CWC27: variants seen among roughly 807,000 people sequenced by gnomAD.
CWC27 encodes spliceosome-associated protein CWC27 homolog.
In CWC27, 47 loss-of-function variants were observed where a neutral mutation model predicts 63.6. The observed-to-expected ratio is 0.74, with a 90% CI of 0.58 to 0.94. The LOEUF (loss-of-function observed/expected upper bound fraction) is 0.94, where lower values mean the gene tolerates loss of function less well. CWC27 is among the 40% of genes least tolerant of loss of function. The pLI is 0.00. For missense variants in CWC27, 495 were observed against 554.3 expected, an observed-to-expected ratio of 0.89 and a Z score of 1.07; for synonymous variants, 175 against 179.8, an observed-to-expected ratio of 0.97 and a Z score of 0.22.
intron 11 of CWC27, among the ~76,000 whole-genome samples, chr5:64,892,467 C>T (rs1186559080): frequency 2.6e-5 from 4 of 152,100 alleles, no homozygotes; most frequent in African/African-American, 9.7e-5. Context: ...AAGATTACCC[C>T]ATAATACTTC....
In CWC27 at chr5:64,783,743, A is replaced by G. The variant is rs1743778758; in HGVS notation, c.253-93A>G. On this transcript the variant is annotated intron_variant, in intron 3 of 13. Coordinates refer to ENST00000381070, the MANE Select transcript of CWC27 (RefSeq NM_005869.4). ...AAGTAAAATGTCTGCATTTTTTATT[A>G]GAAGTTGTATGGGACCTTGCAGGTC... The G allele has an allele frequency of 2.8e-6, 3 of 1,077,662 alleles. No individual in the cohort carries two copies. In the African/African-American group the frequency reaches 4.9e-5, roughly 18 times the overall value. 66.8% of individuals were successfully genotyped at this position (1,077,662 alleles called of 1,614,324 possible). A position where few individuals can be genotyped will look rare whatever the true frequency, so the allele number is the denominator to read the frequency against.
intron 10 of CWC27, among the ~76,000 whole-genome samples, chr5:64,856,380 C>T (rs925452763): frequency 1.3e-5 from 2 of 151,694 alleles, no homozygotes; most frequent in African/African-American, 2.4e-5. Flanking sequence ...ATTAAATTCC[C>T]TGAAAACAAT....
At chr5:64,798,971 C>T (rs1345833375) in intron 7 of CWC27, among the ~76,000 whole-genome samples, 1 of 152,186 alleles carries the variant, frequency 6.6e-6, no homozygotes, top group Non-Finnish European at 1.5e-5. Flanking sequence ...TGAGGTGTCC[C>T]ACCCTGCAGT....
rs548528652 is a variant in CWC27 at position 64,783,793 on chromosome 5, G to T, written c.253-43G>T. 69 of 1,502,878 alleles carry T rather than the reference G, an allele frequency of 4.6e-5. 1 individual carries two copies. The South Asian group carries it at 9.6e-4, about 21-fold the overall frequency. The allele number at this position is 1,502,878 out of a possible 1,614,324, so 93.1% of individuals were successfully genotyped here. A position where few individuals can be genotyped will look rare whatever the true frequency, so the allele number is the denominator to read the frequency against. On this transcript the variant is annotated intron_variant, in intron 3 of 13. Coordinates refer to ENST00000381070, the MANE Select transcript of CWC27 (RefSeq NM_005869.4). ...CAAGTTGAATAACTGCATATGAAGG[G>T]TCTTATAACTGAGGACATTCACTAA...
intron 11 of CWC27, among the ~76,000 whole-genome samples, chr5:64,963,744 A>C (rs1485124951): frequency 6.6e-6 from 1 of 152,224 alleles, no homozygotes; most frequent in East Asian, 1.9e-4. Flanking sequence ...ATGAAACATC[A>C]GCAGACGTCA....
At chr5:64,965,349 C>G (rs150927783) in intron 11 of CWC27, among the ~76,000 whole-genome samples, 76 of 152,300 alleles carry the variant, frequency 5.0e-4, no homozygotes, top group Non-Finnish European at 6.2e-4. Context: ...AGTTTTTATA[C>G]ACTTTCCCCC....
intron 10 of CWC27, among the ~76,000 whole-genome samples, chr5:64,862,958 C>T (rs1014037219): frequency 6.6e-6 from 1 of 152,028 alleles, no homozygotes; most frequent in Non-Finnish European, 1.5e-5. Flanking sequence ...AGCATTAAAC[C>T]CATTTGTGAG....
chr5:64,887,098 C>T (rs779947756), intron 11 of CWC27, among the ~76,000 whole-genome samples: 8 of 151,464 alleles, frequency 5.3e-5, no homozygotes, highest in Non-Finnish European at 1.2e-4. Flanking sequence ...TATTAGTACC[C>T]TCATGTCTTA....
At chr5:64,861,993 A>G (rs1478957249) in intron 10 of CWC27, among the ~76,000 whole-genome samples, 3 of 152,240 alleles carry the variant, frequency 2.0e-5, no homozygotes, top group Non-Finnish European at 4.4e-5. Context: ...TTAAAAATCC[A>G]TTTTAGGGGA....
chr5:64,855,899 C>T (rs1746247276), intron 10 of CWC27, among the ~76,000 whole-genome samples: 1 of 151,992 alleles, frequency 6.6e-6, no homozygotes, highest in South Asian at 2.1e-4. Context: ...TGTTTTAGGC[C>T]TCCAAGAGAT....
rs116639244 is a variant in CWC27 at position 64,842,857 on chromosome 5, C to A, written c.938+38471C>A. ...CTCAAGCAATCCGCCCACCCTCACCCTCTCAAAGTGCTGGGATTACAGGCG... is the reference window on the plus strand; with the variant it reads ...CTCAAGCAATCCGCCCACCCTCACCATCTCAAAGTGCTGGGATTACAGGCG... On this transcript the variant is annotated intron_variant, in intron 10 of 13. Coordinates refer to ENST00000381070, the MANE Select transcript of CWC27 (RefSeq NM_005869.4). Among the ~76,000 whole-genome samples the A allele has an allele frequency of 2.9e-3, 439 of 152,312 alleles. 4 individuals carry two copies. The highest frequency in any genetic ancestry group is 7.9e-3 in the East Asian group (41 of 5,178).
chr5:64,889,257 G>A (rs1747162342), intron 11 of CWC27, among the ~76,000 whole-genome samples: 1 of 152,070 alleles, frequency 6.6e-6, no homozygotes, highest in Non-Finnish European at 1.5e-5. Flanking sequence ...ATTCTGATAA[G>A]GTCTATAGTT....
intron 11 of CWC27, among the ~76,000 whole-genome samples, chr5:64,950,873 A>G (rs1365536436): frequency 6.6e-6 from 1 of 151,982 alleles, no homozygotes; most frequent in Non-Finnish European, 1.5e-5. Flanking sequence ...TTTCATGTGA[A>G]TGGTGTCATA....
At chr5:64,896,900 G>C (rs6861208) in intron 11 of CWC27, among the ~76,000 whole-genome samples, 1 of 151,912 alleles carries the variant, frequency 6.6e-6, no homozygotes, top group Non-Finnish European at 1.5e-5. Flanking sequence ...CAACTTATGT[G>C]AGAAACATCT....
In CWC27 at chr5:64,786,550, C is replaced by T. The variant is rs754047141; in HGVS notation, c.522C>T (p.Ile174=). The T allele has an allele frequency of 1.9e-6, 3 of 1,572,604 alleles. No homozygotes were observed. The highest frequency in any genetic ancestry group is 1.4e-5 in the African/African-American group (1 of 72,200). Residue 174 remains isoleucine (I), a synonymous_variant, in exon 6 of 14, where the codon ATC becomes ATT. Coordinates refer to ENST00000381070, the MANE Select transcript of CWC27 (RefSeq NM_005869.4). ...CEVLFNPFDD[I]IPREIKRLKK... is the part of the protein sequence containing the mutation. ...TTTTGTTTAATCCTTTTGATGACATCATTCCAAGGGAAATTAAAAGGCTGA... is the reference window on the plus strand; with the variant it reads ...TTTTGTTTAATCCTTTTGATGACATTATTCCAAGGGAAATTAAAAGGCTGA...
At chr5:64,951,562 A>G (rs1208960209) in intron 11 of CWC27, among the ~76,000 whole-genome samples, 1 of 151,916 alleles carries the variant, frequency 6.6e-6, no homozygotes, top group African/African-American at 2.4e-5. Context: ...TTATTCATAG[A>G]TATCTGCACA....
At chr5:64,772,803 G>A (rs970341197) in intron 1 of CWC27, among the ~76,000 whole-genome samples, 16 of 151,730 alleles carry the variant, frequency 1.1e-4, no homozygotes, top group Middle Eastern at 3.4e-3. Flanking sequence ...TGGGTGTGGC[G>A]GTGGGTGCCT....
At chr5:64,840,730 T>G (rs1745811492) in intron 10 of CWC27, among the ~76,000 whole-genome samples, 1 of 152,084 alleles carries the variant, frequency 6.6e-6, no homozygotes, top group South Asian at 2.1e-4. Context: ...CAGATTCATA[T>G]TTTAGAATGG....
At chr5:64,885,675 T>G in intron 11 of CWC27, 129 bp downstream of exon 11, 1 of 651,556 alleles carries the variant, frequency 1.5e-6, no homozygotes, top group Non-Finnish European at 2.7e-6. Flanking sequence ...CTTCCCTCTT[T>G]CTTTCCCTCC....
Sources: allele counts gnomAD v4.1 joint callset (sites outside exome capture counted in the v4.1 genomes callset), GRCh38; gene constraint gnomAD v4.1.1; transcripts MANE v1.5; gene names NCBI Gene and HGNC (gene_info 2026-07-23, HGNC 2026-07-21).